Variants in RGS6 observed in about 807,000 individuals in gnomAD.
The protein encoded by RGS6 is regulator of G protein signaling 6, also known as regulator of G-protein signaling 6.
RGS6 carries 30 observed loss-of-function variants against 78.5 expected under a neutral mutation model. The ratio of observed to expected loss-of-function variants is 0.38; its 90% CI spans 0.29 to 0.52. The LOEUF (loss-of-function observed/expected upper bound fraction) is 0.52. Among genes scored for constraint, RGS6 ranks in the 20% least tolerant of loss-of-function variants. The pLI is 0.85. For missense variants in RGS6, 495 were observed against 609.7 expected (o/e 0.81, Z 1.98); for synonymous variants, 206 against 206.0 (o/e 1.00, Z 0.00).
At chr14:72,266,664 G>T (rs1448890247) in intron 2 of RGS6, among the ~76,000 whole-genome samples, 2 of 152,184 alleles carry the variant, frequency 1.3e-5, no homozygotes, top group African/African-American at 2.4e-5. Flanking sequence ...AGGGCATCAG[G>T]GTTTTTGCAG....
In RGS6 at chr14:72,367,355, C is replaced by T. The variant is rs186887269; in HGVS notation, c.184+15161C>T. ...TATGAATTTGGGAATGTGTAAGACC[C>T]CTACAGAGTGCTCTCTAGCCTCTGT... On this transcript the variant is annotated intron_variant, in intron 3 of 17. Transcript: ENST00000553525. Among the ~76,000 whole-genome samples the T allele has an allele frequency of 5.3e-5, 8 of 152,062 alleles. No homozygotes were observed. In the East Asian group the frequency reaches 1.5e-3, roughly 29 times the overall value.
intron 3 of RGS6, among the ~76,000 whole-genome samples, chr14:72,433,465 C>T (rs1338531240): frequency 6.6e-6 from 1 of 151,590 alleles, no homozygotes; most frequent in Admixed American, 6.6e-5. Flanking sequence ...CGAAACTGCA[C>T]ATCCTGCACA....
Position 71,990,707 on chromosome 14 carries a change from TCTC to T in RGS6, c.84+25839_84+25841del, listed in dbSNP as rs199810147. 125 of 456,020 alleles carry T rather than the reference TCTC, an allele frequency of 2.7e-4. No individual in the cohort carries two copies. The East Asian group carries it at 5.7e-3, about 21-fold the overall frequency. 28.2% of individuals were successfully genotyped at this position (456,020 alleles called of 1,614,324 possible). ...TTTTCTGTATGCTGTCCAGGGGCCA[TCTC>T]CTCCTCTCTACATGCTGCATTGAGG... On this transcript the variant is annotated intron_variant, in intron 2 of 17. Transcript: ENST00000553525.
chr14:72,309,127 A>G (rs2067948232), intron 2 of RGS6, among the ~76,000 whole-genome samples: 1 of 152,092 alleles, frequency 6.6e-6, no homozygotes, highest in Admixed American at 6.6e-5. Context: ...CCTCCTTGCA[A>G]GTCTATACAG....
At chr14:72,060,163 T>G (rs1057140068) in intron 2 of RGS6, among the ~76,000 whole-genome samples, 8 of 152,022 alleles carry the variant, frequency 5.3e-5, no homozygotes, top group African/African-American at 1.7e-4. Flanking sequence ...TTCTATTAGG[T>G]CTTTGGTGAT....
chr14:72,424,442 G>A (rs2094345195), intron 3 of RGS6, among the ~76,000 whole-genome samples: 1 of 152,102 alleles, frequency 6.6e-6, no homozygotes, highest in East Asian at 1.9e-4. Flanking sequence ...TGCGTGTCCG[G>A]GCAAGGGTCA....
chr14:72,402,085 G>A (rs904017359), intron 3 of RGS6, among the ~76,000 whole-genome samples: 1 of 152,178 alleles, frequency 6.6e-6, no homozygotes, highest in African/African-American at 2.4e-5. Flanking sequence ...GTGGGATCGG[G>A]CAGGAAGGGA....
chr14:71,897,413 G>T, the RGS6 span, among the ~76,000 whole-genome samples: 1 of 152,330 alleles, frequency 6.6e-6, no homozygotes, highest in East Asian at 1.9e-4. Context: ...ATGCTGCCAA[G>T]TGCTGTGGAG....
chr14:72,225,831 A>G (rs2048003848), intron 2 of RGS6, among the ~76,000 whole-genome samples: 2 of 152,202 alleles, frequency 1.3e-5, no homozygotes, highest in Non-Finnish European at 1.5e-5. Flanking sequence ...AGTTCCATCT[A>G]TCATGTTCAC....
intron 2 of RGS6, among the ~76,000 whole-genome samples, chr14:72,332,488 AG>A (rs1393304180): frequency 6.6e-6 from 1 of 152,220 alleles, no homozygotes. Context: ...CTCAGAGAAC[AG>A]GGGGAGAGTG....
At chr14:72,013,770 A>G (rs1257421313) in intron 2 of RGS6, among the ~76,000 whole-genome samples, 2 of 149,892 alleles carry the variant, frequency 1.3e-5, no homozygotes, top group East Asian at 2.0e-4. Context: ...TGAACCGACA[A>G]TTGACAATGA....
chr14:72,281,896 G>T (rs183324133), intron 2 of RGS6, among the ~76,000 whole-genome samples: 1 of 152,258 alleles, frequency 6.6e-6, no homozygotes, highest in East Asian at 1.9e-4. Context: ...TCTGAATTTT[G>T]TTAATATATA....
intron 14 of RGS6, chr14:72,511,941 T>C (rs1226514510): frequency 1.3e-5 from 2 of 152,236 alleles, no homozygotes; most frequent in Admixed American, 6.5e-5. Context: ...GCTTGACTTC[T>C]AATACTCTTC....
At chr14:72,094,859 G>A (rs2095364523) in intron 2 of RGS6, among the ~76,000 whole-genome samples, 1 of 152,120 alleles carries the variant, frequency 6.6e-6, no homozygotes. Context: ...AGTTGTTTCT[G>A]CCAGTATATT....
chr14:72,551,358 C>T (rs1029222147), intron 17 of RGS6, among the ~76,000 whole-genome samples: 3 of 152,116 alleles, frequency 2.0e-5, no homozygotes, highest in Admixed American at 6.5e-5. Flanking sequence ...ATTGGCTGCT[C>T]GTGGCTGACC....
intron 3 of RGS6, among the ~76,000 whole-genome samples, chr14:72,381,106 C>T (rs903358872): frequency 6.6e-6 from 1 of 151,832 alleles, no homozygotes; most frequent in African/African-American, 2.4e-5. Flanking sequence ...TATGTGGAAG[C>T]TAAAAAATAT....
chr14:72,608,102 CAATTT>C, the RGS6 span, among the ~76,000 whole-genome samples: 1 of 152,326 alleles, frequency 6.6e-6, no homozygotes, highest in Admixed American at 6.5e-5. Flanking sequence ...CTAGTTCCCT[CAATTT>C]CCCCCTTGAC....
chr14:72,323,127 G>A (rs2072567437), intron 2 of RGS6, among the ~76,000 whole-genome samples: 2 of 152,070 alleles, frequency 1.3e-5, no homozygotes, highest in South Asian at 4.1e-4. Context: ...ATATGATTAT[G>A]TACTGTAAAA....
intron 3 of RGS6, among the ~76,000 whole-genome samples, chr14:72,451,049 G>A (rs948178499): frequency 6.6e-6 from 1 of 152,214 alleles, no homozygotes; most frequent in Admixed American, 6.5e-5. Flanking sequence ...GCCTGTGAGA[G>A]TGAGCACGTC....
Sources: allele counts gnomAD v4.1 joint callset (sites outside exome capture counted in the v4.1 genomes callset), GRCh38; gene constraint gnomAD v4.1.1; transcripts MANE v1.5; gene names NCBI Gene and HGNC (gene_info 2026-07-23, HGNC 2026-07-21).